FAM83B: variants seen among roughly 807,000 people sequenced by gnomAD.
FAM83B encodes protein FAM83B.
A neutral mutation model predicts 38.8 loss-of-function variants in FAM83B; 26 were observed. The observed-to-expected ratio is 0.67, with a 90% CI of 0.49 to 0.93. FAM83B has a LOEUF of 0.93. Ranked by LOEUF, FAM83B falls within the 40% of genes least tolerant of loss-of-function variation. The probability of loss-of-function intolerance (pLI) is 0.00; values close to 1 mark genes in which losing one functional copy is unlikely to be tolerated. For synonymous variants in FAM83B, 419 were observed against 423.1 expected (o/e 0.99, Z 0.12); for missense variants, 1,237 against 1,197.3 (o/e 1.03, Z -0.49).
At chr6:54,895,403 A>G (rs12111423) in intron 2 of FAM83B, among the ~76,000 whole-genome samples, 4,890 of 152,266 alleles carry the variant, frequency 0.032, 246 homozygotes, top group African/African-American at 0.11. Flanking sequence ...ATTTATTTTC[A>G]TAAGATATGT....
chr6:54,874,384 T>G (rs1305306868), intron 2 of FAM83B, among the ~76,000 whole-genome samples: 1 of 152,186 alleles, frequency 6.6e-6, no homozygotes, highest in Non-Finnish European at 1.5e-5. Flanking sequence ...TTTAATTTAC[T>G]GATTCTTTTT....
intron 3 of FAM83B, among the ~76,000 whole-genome samples, chr6:54,926,783 A>G (rs9475068): frequency 0.31 from 46,674 of 152,008 alleles, 8,780 homozygotes; most frequent in East Asian, 0.8. Context: ...CCCAGAGTGG[A>G]GTGCACTGGT....
chr6:54,944,884 G>C lies in FAM83B; in HGVS notation c.*2877G>C, dbSNP rs1773768865. The C allele has an allele frequency of 6.6e-6, 1 of 152,080 alleles. No individual in the cohort carries two copies. Among genetic ancestry groups the C allele is most frequent in the Non-Finnish European group, 1.5e-5 (1 of 68,004 alleles). The allele number at this position is 152,080 out of a possible 1,614,324, so 9.4% of individuals were successfully genotyped here. ...CAAAAGGATAAAATGATAAACCAAA[G>C]AGTCAACTTGTTAACTTTTCTTTTT... On this transcript the variant is annotated 3_prime_UTR_variant, in exon 5 of 5. Coordinates refer to ENST00000306858, the MANE Select transcript of FAM83B (RefSeq NM_001010872.3).
At chr6:54,928,758 C>T (rs1773362589) in intron 4 of FAM83B, among the ~76,000 whole-genome samples, 1 of 152,170 alleles carries the variant, frequency 6.6e-6, no homozygotes, top group South Asian at 2.1e-4. Context: ...CTTGTAGAAT[C>T]ATTGTTATTT....
At chr6:54,895,332 C>T (rs1436177909) in intron 2 of FAM83B, among the ~76,000 whole-genome samples, 1 of 152,200 alleles carries the variant, frequency 6.6e-6, no homozygotes, top group Admixed American at 6.5e-5. Context: ...TTCAAGGTCT[C>T]CTCAGTCTTT....
intron 2 of FAM83B, among the ~76,000 whole-genome samples, chr6:54,897,262 A>G (rs1184879438): frequency 2.6e-5 from 4 of 151,980 alleles, no homozygotes; most frequent in African/African-American, 9.7e-5. Flanking sequence ...TGGGGAAATC[A>G]CATATGGGAA....
chr6:54,873,508 C>T (rs557406149), intron 2 of FAM83B, among the ~76,000 whole-genome samples: 1 of 152,074 alleles, frequency 6.6e-6, no homozygotes, highest in Non-Finnish European at 1.5e-5. Context: ...AGATGTCATG[C>T]TCTTATTATC....
intron 1 of FAM83B, among the ~76,000 whole-genome samples, chr6:54,864,011 T>C (rs868016028): frequency 1.8e-4 from 27 of 152,218 alleles, no homozygotes; most frequent in African/African-American, 6.3e-4. Flanking sequence ...CCATGTATAA[T>C]CCTTTGGAAT....
At chr6:54,871,526 C>G (rs377055736) in intron 2 of FAM83B, among the ~76,000 whole-genome samples, 1 of 148,364 alleles carries the variant, frequency 6.7e-6, no homozygotes, top group Non-Finnish European at 1.5e-5. Context: ...TGAGACTACC[C>G]TGGCCAACAT....
rs534099175 is a variant in FAM83B at position 54,921,536 on chromosome 6, G to A, written c.445-4835G>A. ...AAAGTTTTCTAAGTCTCATGTTTCC[G>A]ATGAATGCATTTATTTATTTACCTT... On this transcript the variant is annotated intron_variant, in intron 2 of 4. Coordinates refer to ENST00000306858, the MANE Select transcript of FAM83B (RefSeq NM_001010872.3). 3.9e-5 allele frequency among the ~76,000 whole-genome samples: 6 copies of A among 151,970 alleles called. No individual in the cohort carries two copies. In the South Asian group the frequency reaches 8.3e-4, roughly 21 times the overall value.
intron 1 of FAM83B, among the ~76,000 whole-genome samples, chr6:54,862,557 A>C (rs767389441): frequency 6.6e-6 from 1 of 152,168 alleles, no homozygotes; most frequent in Non-Finnish European, 1.5e-5. Flanking sequence ...TAGATGGATC[A>C]GCAAGTGTTT....
chr6:54,861,608 C>G (rs753031449), intron 1 of FAM83B, among the ~76,000 whole-genome samples: 1 of 152,168 alleles, frequency 6.6e-6, no homozygotes, highest in Non-Finnish European at 1.5e-5. Flanking sequence ...GATGTGGTCT[C>G]TTGGGTTCTT....
intron 2 of FAM83B, among the ~76,000 whole-genome samples, chr6:54,923,870 T>C (rs1193498223): frequency 6.6e-6 from 1 of 151,666 alleles, no homozygotes; most frequent in Admixed American, 6.6e-5. Context: ...TTTTTTCTTT[T>C]TTTTTTTTTA....
chr6:54,891,622 C>T (rs974472131), intron 2 of FAM83B, among the ~76,000 whole-genome samples: 5 of 152,118 alleles, frequency 3.3e-5, no homozygotes, highest in African/African-American at 1.2e-4. Context: ...GCCCACTGGC[C>T]TATCAAATGC....
chr6:54,883,121 T>G (rs1020122295), intron 2 of FAM83B, among the ~76,000 whole-genome samples: 1 of 151,800 alleles, frequency 6.6e-6, no homozygotes, highest in Non-Finnish European at 1.5e-5. Context: ...TGTTTTTGTA[T>G]TTTTAGTAGA....
intron 2 of FAM83B, among the ~76,000 whole-genome samples, chr6:54,913,512 C>A (rs1772962642): frequency 6.6e-6 from 1 of 151,388 alleles, no homozygotes; most frequent in Non-Finnish European, 1.5e-5. Flanking sequence ...ATGGCAGATC[C>A]CAGATTGAAA....
chr6:54,929,542 A>G (rs1047377813), intron 4 of FAM83B, among the ~76,000 whole-genome samples: 2 of 152,188 alleles, frequency 1.3e-5, no homozygotes, highest in Non-Finnish European at 2.9e-5. Flanking sequence ...AGCATTGTCT[A>G]TAAATCAAAC....
chr6:54,884,249 C>G (rs1286147536), intron 2 of FAM83B, among the ~76,000 whole-genome samples: 1 of 140,956 alleles, frequency 7.1e-6, no homozygotes, highest in African/African-American at 2.7e-5. Flanking sequence ...TTGCAGTGAG[C>G]TGAGATCGCG....
rs9475076 is a variant in FAM83B, at chr6:54,940,276, C to G, written c.1305C>G (p.Ser435Arg). Residue 435 changes from serine to arginine, a missense_variant, in exon 5 of 5, where the codon AGC (serine) becomes AGG (arginine). Transcript: ENST00000306858. ...VASSSREGYV[S>R]HHNTPAQSFA... ...CCTCATCACGGGAAGGCTATGTAAG[C>G]CACCACAACACACCTGCCCAGAGTT... 17,418 of 1,613,962 alleles carry G rather than the reference C, an allele frequency of 0.011. 1,414 individuals carry two copies. In the African/African-American group the frequency reaches 0.19, roughly 17 times the overall value.
Sources: allele counts gnomAD v4.1 joint callset (sites outside exome capture counted in the v4.1 genomes callset), GRCh38; gene constraint gnomAD v4.1.1; transcripts MANE v1.5; gene names NCBI Gene and HGNC (gene_info 2026-07-23, HGNC 2026-07-21).